Variants in PHACTR1 observed in about 807,000 individuals in gnomAD.
PHACTR1 encodes the protein phosphatase and actin regulator 1, also known as RPEL repeat containing 1.
In PHACTR1, 16 loss-of-function variants were observed where a neutral mutation model predicts 69.2. That is an observed-to-expected ratio of 0.23 (90% CI 0.16 to 0.35). The LOEUF (loss-of-function observed/expected upper bound fraction) is 0.35. Among genes scored for constraint, PHACTR1 ranks in the 10% least tolerant of loss-of-function variants. PHACTR1 has a pLI of 1.00. For synonymous variants in PHACTR1, 312 were observed against 284.5 expected (o/e 1.10, Z -0.97); for missense variants, 510 against 734.7 (o/e 0.69, Z 3.54).
intron 4 of PHACTR1, among the ~76,000 whole-genome samples, chr6:12,980,212 GTA>G (rs1174845063): frequency 6.6e-6 from 1 of 152,214 alleles, no homozygotes; most frequent in East Asian, 1.9e-4. Flanking sequence ...GAAGCATGGA[GTA>G]TGTGTGTATG....
intron 7 of PHACTR1, among the ~76,000 whole-genome samples, chr6:13,196,080 A>G (rs995969830): frequency 3.3e-5 from 5 of 152,222 alleles, no homozygotes; most frequent in Admixed American, 6.5e-5. Context: ...CTGCATCTCA[A>G]TCAGTCTAGC....
At chr6:12,898,912 C>T (rs778003720) in intron 4 of PHACTR1, among the ~76,000 whole-genome samples, 5 of 152,166 alleles carry the variant, frequency 3.3e-5, no homozygotes, top group Admixed American at 1.3e-4. Context: ...CAACTTGCCT[C>T]GCTGTATCTC....
rs561458448 is a variant in PHACTR1, at chr6:12,799,808, A to C, written c.250+50018A>C. Among the ~76,000 whole-genome samples, 304 of 152,334 alleles carry C rather than the reference A, an allele frequency of 2.0e-3. 1 individual carries two copies. Among genetic ancestry groups the C allele is most frequent in the African/African-American group, 6.6e-3 (275 of 41,580 alleles). ...GATTCTTATAGAATTTTTTCTAGGC[A>C]AACTGTTACAGATATATTCACAACT... is the stretch of plus-strand genomic sequence containing the variant. On this transcript the variant is annotated intron_variant, in intron 4 of 14. Transcript: ENST00000332995.
Position 12,847,064 on chromosome 6 carries a change from G to A in PHACTR1, c.250+97274G>A, listed in dbSNP as rs142403406. Among the ~76,000 whole-genome samples the A allele has an allele frequency of 7.0e-3, 1,057 of 152,006 alleles. 17 individuals are homozygous for A. Among genetic ancestry groups the A allele is most frequent in the African/African-American group, 0.024 (1,005 of 41,450 alleles). On this transcript the variant is annotated intron_variant, in intron 4 of 14. Coordinates refer to ENST00000332995, the MANE Select transcript of PHACTR1 (RefSeq NM_030948.6). ...ACTCCTGAGCTCAAGGGATCTGGCC[G>A]CGTTGGCCTCCCAAAGGGCTGGGAT...
chr6:13,138,060 G>A (rs1821831689), intron 5 of PHACTR1, among the ~76,000 whole-genome samples: 2 of 152,200 alleles, frequency 1.3e-5, no homozygotes, highest in Non-Finnish European at 1.5e-5. Context: ...AGAGACCCCA[G>A]TGTATACTGA....
chr6:12,753,475 A>G (rs768278800), intron 4 of PHACTR1, among the ~76,000 whole-genome samples: 1 of 152,246 alleles, frequency 6.6e-6, no homozygotes, highest in Non-Finnish European at 1.5e-5. Context: ...AAAAGAAGGA[A>G]AGCAAGGCAT....
intron 4 of PHACTR1, among the ~76,000 whole-genome samples, chr6:12,903,526 T>C (rs901891967): frequency 1.3e-5 from 2 of 152,248 alleles, no homozygotes; most frequent in Admixed American, 1.3e-4. Context: ...CTTTCCTATT[T>C]AAGAATGAGC....
At chr6:13,066,420 G>A (rs922697052) in intron 5 of PHACTR1, among the ~76,000 whole-genome samples, 1 of 152,182 alleles carries the variant, frequency 6.6e-6, no homozygotes, top group African/African-American at 2.4e-5. Flanking sequence ...GCGTAAGATG[G>A]AAGGTCCCCG....
intron 4 of PHACTR1, among the ~76,000 whole-genome samples, chr6:12,866,541 A>G (rs1781476402): frequency 6.6e-6 from 1 of 152,016 alleles, no homozygotes; most frequent in Admixed American, 6.6e-5. Flanking sequence ...TTATGTCAGA[A>G]AGAATTGGTA....
intron 9 of PHACTR1, among the ~76,000 whole-genome samples, chr6:13,228,952 C>A (rs1486675165): frequency 3.3e-5 from 5 of 152,234 alleles, no homozygotes; most frequent in African/African-American, 1.2e-4. Context: ...TTGTTGCCTG[C>A]TGGCGTTTTC....
chr6:13,189,104 G>A (rs775152077), intron 7 of PHACTR1, among the ~76,000 whole-genome samples: 6 of 152,168 alleles, frequency 3.9e-5, no homozygotes, highest in East Asian at 3.8e-4. Flanking sequence ...AGGTGCCCCC[G>A]GCATGCCAGT....
Position 12,840,054 on chromosome 6 carries a change from C to T in PHACTR1, c.250+90264C>T, listed in dbSNP as rs555900605. On this transcript the variant is annotated intron_variant, in intron 4 of 14. Transcript: ENST00000332995. ...GTGTCAGCCCTTGCTCCTGTACTTG[C>T]CCCATCCTTGCTGCTACCCAGGCAT... 2.6e-5 allele frequency among the ~76,000 whole-genome samples: 4 copies of T among 152,170 alleles called. No individual in the cohort carries two copies. The East Asian group carries it at 7.8e-4, about 30-fold the overall frequency.
At chr6:12,975,314 G>A (rs761715056) in intron 4 of PHACTR1, among the ~76,000 whole-genome samples, 17 of 152,144 alleles carry the variant, frequency 1.1e-4, no homozygotes, top group Non-Finnish European at 2.2e-4. Context: ...GCAGCTACAC[G>A]TTAAAGAAGA....
chr6:12,868,031 G>C (rs113606396), intron 4 of PHACTR1, among the ~76,000 whole-genome samples: 1 of 152,000 alleles, frequency 6.6e-6, no homozygotes, highest in Non-Finnish European at 1.5e-5. Context: ...AGGCCAAGGC[G>C]GGCAGATCAC....
At chr6:12,977,315 G>C (rs1419336272) in intron 4 of PHACTR1, among the ~76,000 whole-genome samples, 1 of 151,960 alleles carries the variant, frequency 6.6e-6, no homozygotes, top group Non-Finnish European at 1.5e-5. Flanking sequence ...TGCAGATAAG[G>C]AGGGACGGCT....
chr6:13,209,614 A>C (rs942906453), intron 8 of PHACTR1, among the ~76,000 whole-genome samples: 1 of 152,226 alleles, frequency 6.6e-6, no homozygotes, highest in Non-Finnish European at 1.5e-5. Context: ...ACACTGGACC[A>C]TACATTTGCA....
chr6:12,931,031 G>A (rs558825459), intron 4 of PHACTR1, among the ~76,000 whole-genome samples: 3 of 149,764 alleles, frequency 2.0e-5, no homozygotes, highest in East Asian at 2.0e-4. Context: ...AAAAAAGAAG[G>A]TGACAAATGC....
chr6:13,066,534 A>G (rs1313647781), intron 5 of PHACTR1, among the ~76,000 whole-genome samples: 1 of 152,190 alleles, frequency 6.6e-6, no homozygotes, highest in Non-Finnish European at 1.5e-5. Context: ...GGTTGTTTGG[A>G]CAGCATTATT....
chr6:12,822,715 C>G (rs927299802), intron 4 of PHACTR1, among the ~76,000 whole-genome samples: 3 of 152,170 alleles, frequency 2.0e-5, no homozygotes, highest in African/African-American at 7.2e-5. Flanking sequence ...GACCTTCTTT[C>G]TTTCCCAGAA....
Sources: gnomAD v4.1 joint callset for allele counts (sites outside exome capture counted in the v4.1 genomes callset) on GRCh38, gnomAD v4.1.1 for gene constraint, MANE v1.5 for transcripts, NCBI Gene and HGNC (gene_info 2026-07-23, HGNC 2026-07-21) for gene names.